The following WDR72 variants were observed in gnomAD, a reference collection of about 807,000 sequenced individuals.
The protein encoded by WDR72 is WD repeat-containing protein 72.
WDR72 carries 120 observed loss-of-function variants against 124.2 expected under a neutral mutation model. The observed-to-expected ratio is 0.97, with a 90% CI of 0.83 to 1.12. WDR72 has a LOEUF of 1.12. Among genes scored for constraint, WDR72 ranks in the 50% most tolerant of loss-of-function variants. The pLI, the probability that WDR72 is intolerant of heterozygous loss-of-function variation, is 0.00. For missense variants in WDR72, 1,387 were observed against 1,278.8 expected (o/e 1.08, Z -1.29); for synonymous variants, 452 against 441.7 (o/e 1.02, Z -0.29).
chr15:53,709,579 C>T (rs893424026), intron 9 of WDR72, among the ~76,000 whole-genome samples: 1 of 152,134 alleles, frequency 6.6e-6, no homozygotes, highest in Non-Finnish European at 1.5e-5. Context: ...GCATTCAAAG[C>T]TAAGGAGGAA....
In WDR72 at chr15:53,711,347, C is replaced by A; in HGVS notation, c.846G>T (p.Gln282His). 6.2e-7 allele frequency: 1 copy of A among 1,614,164 alleles called. No individual in the cohort carries two copies. Among genetic ancestry groups the A allele is most frequent in the Non-Finnish European group, 8.5e-7 (1 of 1,180,040 alleles). The change falls in exon 8 of 20, where the codon CAG (glutamine) becomes CAT (histidine). Residue 282 changes from glutamine to histidine, a missense_variant. Physicochemically the swap from Gln to His is conservative, Grantham distance 24. Transcript: ENST00000360509. ...CCATCTGAGCCCACCTGTTCAGCAG[C>A]TGATAGATGTAACTGTGACCATCTT... ...WTEDGHSYIY[Q>H]LLNSGLSKSI...
chr15:53,615,622 A>T lies in WDR72; in HGVS notation c.2584T>A (p.Leu862Ile), dbSNP rs935153869. The change falls in exon 15 of 20, where the codon TTA becomes ATA. Residue 862 changes from leucine to isoleucine, a missense_variant. Physicochemically the swap from Leu to Ile is conservative, Grantham distance 5 (BLOSUM62 2). Transcript: ENST00000360509. ...AAGTCCAAAACTTTCCTGGAAAATA[A>T]ATTTACTCCTGAATAGTCTTTTATC... ...GMIKDYSGVN[L>I]FSRKVLDLSD... 1 of 1,612,588 alleles carries T rather than the reference A, an allele frequency of 6.2e-7. No homozygotes were observed. Among genetic ancestry groups the T allele is most frequent in the African/African-American group, 1.3e-5 (1 of 74,878 alleles).
intron 18 of WDR72, among the ~76,000 whole-genome samples, chr15:53,558,447 A>T (rs1288876991): frequency 1.3e-5 from 2 of 152,090 alleles, no homozygotes; most frequent in African/African-American, 4.8e-5. Flanking sequence ...AATACTATGT[A>T]TCACATTAGA....
intron 6 of WDR72, 128 bp from the exon 7 acceptor site, chr15:53,713,019 T>C: frequency 9.7e-7 from 1 of 1,025,714 alleles, no homozygotes; most frequent in Non-Finnish European, 1.4e-6. Flanking sequence ...TGAGTTACCT[T>C]TTGAGTGTTT....
At position 53,609,502 on chromosome 15, in the gene WDR72, T is replaced by C; in HGVS notation, c.2952+11A>G. 2 of 1,611,310 alleles carry C rather than the reference T, an allele frequency of 1.2e-6. No homozygotes were observed. The highest frequency in any genetic ancestry group is 1.7e-6 in the Non-Finnish European group (2 of 1,177,814). ...CTTCTAATAACGTCATGAATGTGAA[T>C]TATATCATACCTGCACAGACTGGTC... On this transcript the variant is annotated intron_variant, in intron 17 of 19. Coordinates refer to ENST00000360509, the MANE Select transcript of WDR72 (RefSeq NM_182758.4).
At chr15:53,600,770 A>G (rs2013009499) in intron 17 of WDR72, among the ~76,000 whole-genome samples, 1 of 152,150 alleles carries the variant, frequency 6.6e-6, no homozygotes, top group South Asian at 2.1e-4. Context: ...TGGAAAAGCA[A>G]CATTTCTAGC....
chr15:53,608,627 A>C (rs371470475), intron 17 of WDR72, among the ~76,000 whole-genome samples: 19 of 151,972 alleles, frequency 1.3e-4, no homozygotes, highest in Non-Finnish European at 2.8e-4. Flanking sequence ...TGTGGTGTGC[A>C]TGCCTGTAGT....
intron 2 of WDR72, among the ~76,000 whole-genome samples, chr15:53,728,426 C>T (rs1191121626): frequency 6.6e-5 from 10 of 152,252 alleles, no homozygotes; most frequent in Admixed American, 2.0e-4. Flanking sequence ...GAACATCTAC[C>T]GTATTCCAGA....
rs150175654 is a variant in WDR72, at chr15:53,581,427, T to C, written c.3148+15652A>G. ...AAACAATTAAGGTAAGAGTTTTCTC[T>C]GTTTTGCCAGTTGTTTCATTTTTAC... On this transcript the variant is annotated intron_variant, in intron 18 of 19. Coordinates refer to ENST00000360509, the MANE Select transcript of WDR72 (RefSeq NM_182758.4). 1.5e-3 allele frequency among the ~76,000 whole-genome samples: 231 copies of C among 152,226 alleles called. 7 individuals are homozygous for C. The highest frequency in any genetic ancestry group is 0.013 in the Admixed American group (194 of 15,260).
intron 1 of WDR72, 107 bp downstream of exon 1, chr15:53,759,526 G>C (rs984611847): frequency 1.3e-5 from 2 of 152,366 alleles, no homozygotes; most frequent in African/African-American, 2.4e-5. Flanking sequence ...CTCCTGCGCC[G>C]TGCTCTGAAG....
intron 18 of WDR72, among the ~76,000 whole-genome samples, chr15:53,580,580 G>C (rs2011862744): frequency 6.6e-6 from 1 of 151,970 alleles, no homozygotes; most frequent in Admixed American, 6.6e-5. Flanking sequence ...TAGGCACTGG[G>C]CACCAAACAG....
chr15:53,532,747 T>C (rs904769758), intron 18 of WDR72, among the ~76,000 whole-genome samples: 1 of 152,012 alleles, frequency 6.6e-6, no homozygotes, highest in African/African-American at 2.4e-5. Flanking sequence ...CAATAACTTA[T>C]TGTACATTTC....
At chr15:53,593,729 T>A (rs1436553156) in intron 18 of WDR72, among the ~76,000 whole-genome samples, 1 of 151,392 alleles carries the variant, frequency 6.6e-6, no homozygotes, top group East Asian at 2.0e-4. Flanking sequence ...ACCATTGCAC[T>A]CTAGCCTGGG....
intron 14 of WDR72, among the ~76,000 whole-genome samples, chr15:53,662,946 G>A (rs548939176): frequency 5.1e-4 from 78 of 151,826 alleles, no homozygotes; most frequent in Admixed American, 1.6e-3. Flanking sequence ...TTGTGCACCT[G>A]TAGTCCCAAA....
At chr15:53,690,411 C>T (rs959697103) in intron 13 of WDR72, among the ~76,000 whole-genome samples, 5 of 152,174 alleles carry the variant, frequency 3.3e-5, no homozygotes, top group Admixed American at 1.3e-4. Flanking sequence ...ATCCCCCATA[C>T]CATTAAGTAA....
At chr15:53,553,944 T>C (rs754013332) in intron 18 of WDR72, among the ~76,000 whole-genome samples, 10 of 152,190 alleles carry the variant, frequency 6.6e-5, no homozygotes, top group Non-Finnish European at 1.2e-4. Context: ...ATTTTCATTA[T>C]TGCTTTTGGA....
Position 53,589,353 on chromosome 15 carries a change from G to A in WDR72, c.3148+7726C>T, listed in dbSNP as rs74888826. Among the ~76,000 whole-genome samples the A allele has an allele frequency of 2.9e-3, 438 of 151,896 alleles. 4 individuals are homozygous for A. Among genetic ancestry groups the A allele is most frequent in the African/African-American group, 0.01 (423 of 41,480 alleles). Reference sequence around the variant, plus strand: ...GGATGCTAAAGAATAGCAATCGGCTGGTTTCCCTCCACTGCTCCTTCTTTT... The same window carrying A: ...GGATGCTAAAGAATAGCAATCGGCTAGTTTCCCTCCACTGCTCCTTCTTTT... On this transcript the variant is annotated intron_variant, in intron 18 of 19. Coordinates refer to ENST00000360509, the MANE Select transcript of WDR72 (RefSeq NM_182758.4).
intron 17 of WDR72, among the ~76,000 whole-genome samples, chr15:53,606,500 C>T (rs762774409): frequency 2.0e-5 from 3 of 152,176 alleles, no homozygotes; most frequent in Non-Finnish European, 2.9e-5. Context: ...AACAAGGTCA[C>T]TGCTCTCAGC....
chr15:53,551,551 C>A (rs1893729261), intron 18 of WDR72, among the ~76,000 whole-genome samples: 1 of 152,092 alleles, frequency 6.6e-6, no homozygotes, highest in Admixed American at 6.6e-5. Flanking sequence ...TATTACCTGT[C>A]CATAAATAAC....
Sources: gnomAD v4.1 joint callset for allele counts (sites outside exome capture counted in the v4.1 genomes callset) on GRCh38, gnomAD v4.1.1 for gene constraint, MANE v1.5 for transcripts, NCBI Gene and HGNC (gene_info 2026-07-23, HGNC 2026-07-21) for gene names.